SMAP1: variants seen among roughly 807,000 people sequenced by gnomAD.
SMAP1 encodes the protein small ArfGAP 1, also known as stromal membrane-associated protein 1.
SMAP1 carries 24 observed loss-of-function variants against 58.5 expected under a neutral mutation model. The ratio of observed to expected loss-of-function variants is 0.41; its 90% CI spans 0.30 to 0.58. The LOEUF (loss-of-function observed/expected upper bound fraction) is 0.58, where lower values mean the gene tolerates loss of function less well. Ranked by LOEUF, SMAP1 falls within the 20% of genes least tolerant of loss-of-function variation. SMAP1 has a pLI of 0.29. For synonymous variants in SMAP1, 216 were observed against 196.6 expected (o/e 1.10, Z -0.82); for missense variants, 563 against 566.3 (o/e 0.99, Z 0.06).
At chr6:70,763,106 C>CTTTTTTTTTTT (rs35936929) in intron 3 of SMAP1, among the ~76,000 whole-genome samples, 8 of 84,468 alleles carry the variant, frequency 9.5e-5, no homozygotes, top group African/African-American at 3.4e-4. Flanking sequence ...ACAGATATTA[C>CTTTTTTTTTTT]TTTTTTTTTT....
intron 2 of SMAP1, among the ~76,000 whole-genome samples, chr6:70,738,375 G>A (rs549350397): frequency 6.6e-6 from 1 of 150,944 alleles, no homozygotes; most frequent in African/African-American, 2.4e-5. Context: ...AGATTCTCAG[G>A]TTAAATCTGT....
At chr6:70,787,118 C>T (rs1176531973) in intron 4 of SMAP1, among the ~76,000 whole-genome samples, 1 of 152,110 alleles carries the variant, frequency 6.6e-6, no homozygotes, top group East Asian at 1.9e-4. Context: ...ATCAATGGAA[C>T]AGAACAGAGG....
At chr6:70,728,102 A>G (rs1369966737) in intron 1 of SMAP1, among the ~76,000 whole-genome samples, 1 of 152,060 alleles carries the variant, frequency 6.6e-6, no homozygotes, top group Non-Finnish European at 1.5e-5. Flanking sequence ...GTAGAAGTTT[A>G]TTTCTCCTTC....
At chr6:70,814,248 G>T (rs12215835) in intron 6 of SMAP1, among the ~76,000 whole-genome samples, 69,609 of 151,822 alleles carry the variant, frequency 0.46, 16,402 homozygotes, top group Non-Finnish European at 0.52. Flanking sequence ...GTTGTGGATC[G>T]GAAGAAATAG....
chr6:70,688,690 G>A (rs986281904), intron 1 of SMAP1, among the ~76,000 whole-genome samples: 24 of 152,064 alleles, frequency 1.6e-4, no homozygotes, highest in African/African-American at 2.9e-4. Context: ...GATACTAGTC[G>A]TTTGTCAGAT....
At chr6:70,738,330 G>T (rs760010791) in intron 2 of SMAP1, among the ~76,000 whole-genome samples, 14 of 152,002 alleles carry the variant, frequency 9.2e-5, no homozygotes, top group Non-Finnish European at 2.1e-4. Flanking sequence ...GATAAAAAAT[G>T]TTGGCACTCT....
At chr6:70,737,849 T>C (rs966542330) in intron 2 of SMAP1, among the ~76,000 whole-genome samples, 1 of 152,208 alleles carries the variant, frequency 6.6e-6, no homozygotes, top group African/African-American at 2.4e-5. Flanking sequence ...TAGTCTCTTT[T>C]TGTTTCTTGA....
intron 1 of SMAP1, among the ~76,000 whole-genome samples, chr6:70,731,734 C>T (rs186551757): frequency 9.2e-5 from 14 of 152,264 alleles, no homozygotes; most frequent in Admixed American, 7.2e-4. Context: ...GTTGATGCAA[C>T]GCTTTTTGAA....
chr6:70,672,290 G>A (rs573334866), intron 1 of SMAP1, among the ~76,000 whole-genome samples: 10 of 152,190 alleles, frequency 6.6e-5, no homozygotes, highest in African/African-American at 2.4e-4. Flanking sequence ...TTTGCCCATT[G>A]GTGGTCTTTA....
chr6:70,744,786 C>A (rs1406026947), intron 2 of SMAP1, among the ~76,000 whole-genome samples: 3 of 152,348 alleles, frequency 2.0e-5, no homozygotes, highest in Non-Finnish European at 4.4e-5. Context: ...TACAGTCCCA[C>A]CAACAGTGTA....
chr6:70,836,168 AC>A (rs1424144326), intron 6 of SMAP1, among the ~76,000 whole-genome samples: 1 of 152,134 alleles, frequency 6.6e-6, no homozygotes, highest in African/African-American at 2.4e-5. Flanking sequence ...ATAAAGACAT[AC>A]CCGAGACTGG....
intron 6 of SMAP1, among the ~76,000 whole-genome samples, chr6:70,811,858 A>G (rs1308955534): frequency 6.6e-6 from 1 of 152,156 alleles, no homozygotes; most frequent in East Asian, 1.9e-4. Context: ...TGCAGAGAAT[A>G]TGTCCCAAGA....
At chr6:70,697,399 A>G (rs1212223080) in intron 1 of SMAP1, among the ~76,000 whole-genome samples, 1 of 151,140 alleles carries the variant, frequency 6.6e-6, no homozygotes. Context: ...TCCGCCTCCT[A>G]GGTTCAAGCA....
chr6:70,812,036 C>T (rs1769413794), intron 6 of SMAP1, among the ~76,000 whole-genome samples: 1 of 152,166 alleles, frequency 6.6e-6, no homozygotes, highest in Admixed American at 6.5e-5. Context: ...TCATGTTACT[C>T]AGAACCGTGT....
intron 2 of SMAP1, among the ~76,000 whole-genome samples, chr6:70,751,486 C>T (rs1354085788): frequency 6.6e-6 from 1 of 151,838 alleles, no homozygotes; most frequent in Non-Finnish European, 1.5e-5. Flanking sequence ...TAAATGTCTA[C>T]TTAAAAATAT....
chr6:70,745,822 C>T (rs562817980), intron 2 of SMAP1, among the ~76,000 whole-genome samples: 7 of 152,286 alleles, frequency 4.6e-5, no homozygotes, highest in South Asian at 4.1e-4. Context: ...AATGTTCTTC[C>T]ATTTGTTTAT....
chr6:70,778,198 G>A (rs1767622509), intron 4 of SMAP1, among the ~76,000 whole-genome samples: 1 of 152,086 alleles, frequency 6.6e-6, no homozygotes. Flanking sequence ...CCCCTCAAGT[G>A]TTATCCTTTG....
At chr6:70,737,117 G>T (rs1765647784) in intron 2 of SMAP1, among the ~76,000 whole-genome samples, 1 of 152,122 alleles carries the variant, frequency 6.6e-6, no homozygotes, top group Non-Finnish European at 1.5e-5. Flanking sequence ...TTTTGGTTGT[G>T]CTATTGTCCT....
intron 6 of SMAP1, among the ~76,000 whole-genome samples, chr6:70,814,876 A>G (rs764955312): frequency 5.3e-5 from 8 of 152,132 alleles, no homozygotes; most frequent in East Asian, 1.9e-4. Flanking sequence ...CATCTTATCA[A>G]CACACTGTGT....
Sources: gnomAD v4.1 joint callset for allele counts (sites outside exome capture counted in the v4.1 genomes callset) on GRCh38, gnomAD v4.1.1 for gene constraint, MANE v1.5 for transcripts, NCBI Gene and HGNC (gene_info 2026-07-23, HGNC 2026-07-21) for gene names.